The following NCKAP5 variants were observed in gnomAD, a reference collection of about 807,000 sequenced individuals.
NCKAP5 encodes the protein NCK associated protein 5.
Under a neutral mutation model 167.0 loss-of-function variants are expected in NCKAP5, and 92 were observed. The ratio of observed to expected loss-of-function variants is 0.55; its 90% CI spans 0.47 to 0.66. NCKAP5 has a LOEUF of 0.66. Among genes scored for constraint, NCKAP5 ranks in the 30% least tolerant of loss-of-function variants. The probability of loss-of-function intolerance (pLI) is 0.00; values close to 1 mark genes in which losing one functional copy is unlikely to be tolerated. For synonymous variants in NCKAP5, 891 were observed against 877.4 expected (o/e 1.02, Z -0.27); for missense variants, 2,378 against 2,315.0 (o/e 1.03, Z -0.56).
At chr2:133,612,687 A>G in the NCKAP5 span, among the ~76,000 whole-genome samples, 27 of 152,174 alleles carry the variant, frequency 1.8e-4, no homozygotes, top group African/African-American at 6.3e-4. Flanking sequence ...GTATGTGGAA[A>G]CAATGCTTAA....
At chr2:132,684,649 T>C (rs73957613) in intron 19 of NCKAP5, among the ~76,000 whole-genome samples, 1,673 of 152,288 alleles carry the variant, frequency 0.011, 33 homozygotes, top group African/African-American at 0.038. Flanking sequence ...TTTTGGTCTA[T>C]GTAATAATAC....
intron 5 of NCKAP5, among the ~76,000 whole-genome samples, chr2:133,187,380 G>T (rs527779118): frequency 2.0e-5 from 3 of 152,060 alleles, no homozygotes; most frequent in African/African-American, 7.2e-5. Flanking sequence ...AAAAGACAAT[G>T]CCATTTATAA....
chr2:133,159,203 C>T (rs1290427640), intron 5 of NCKAP5, among the ~76,000 whole-genome samples: 1 of 151,976 alleles, frequency 6.6e-6, no homozygotes, highest in Non-Finnish European at 1.5e-5. Flanking sequence ...AGATATAGGC[C>T]CACATCAAGG....
At chr2:133,644,809 C>G in the NCKAP5 span, among the ~76,000 whole-genome samples, 18 of 152,172 alleles carry the variant, frequency 1.2e-4, no homozygotes, top group Admixed American at 3.3e-4. Flanking sequence ...AACAGATAAT[C>G]AATACATGTT....
chr2:132,757,976 G>C (rs1487532353), intron 16 of NCKAP5, among the ~76,000 whole-genome samples: 1 of 152,172 alleles, frequency 6.6e-6, no homozygotes, highest in Non-Finnish European at 1.5e-5. Flanking sequence ...GGCATGAAGA[G>C]ACAACTGCAT....
chr2:132,981,194 G>C (rs34302940), intron 7 of NCKAP5, among the ~76,000 whole-genome samples: 3,503 of 152,322 alleles, frequency 0.023, 53 homozygotes, highest in Non-Finnish European at 0.037. Flanking sequence ...TCATGAATGA[G>C]ATTCTTGGCT....
rs1156504353 is a variant in NCKAP5, at chr2:132,972,697, T to C, written c.430-8828A>G. On this transcript the variant is annotated intron_variant, in intron 7 of 19. Coordinates refer to ENST00000409261, the MANE Select transcript of NCKAP5 (RefSeq NM_207363.3). ...CAACATGGTGAAACCCCGTCTCTAC[T>C]AAAAAAAATACAAAAATTAGTTGGG... Among the ~76,000 whole-genome samples, 3 of 151,394 alleles carry C rather than the reference T, an allele frequency of 2.0e-5. No individual in the cohort carries two copies. In the East Asian group the frequency reaches 5.8e-4, roughly 29 times the overall value.
intron 3 of NCKAP5, among the ~76,000 whole-genome samples, chr2:133,340,437 T>C (rs564832494): frequency 1.8e-4 from 28 of 152,304 alleles, no homozygotes; most frequent in African/African-American, 5.5e-4. Context: ...AGCCTTCTTT[T>C]CTTCCTCCTC....
At chr2:132,787,334 C>T (rs1237419461) in intron 13 of NCKAP5, among the ~76,000 whole-genome samples, 2 of 131,454 alleles carry the variant, frequency 1.5e-5, no homozygotes, top group African/African-American at 3.0e-5. Flanking sequence ...GGTGACAGAG[C>T]GAGACTCCGT....
At chr2:133,360,888 G>A (rs924088072) in intron 3 of NCKAP5, among the ~76,000 whole-genome samples, 7 of 151,316 alleles carry the variant, frequency 4.6e-5, no homozygotes, top group Admixed American at 1.3e-4. Context: ...AGTGGAGAAG[G>A]AATTTAGCTT....
intron 6 of NCKAP5, among the ~76,000 whole-genome samples, chr2:133,010,413 T>C (rs1257465861): frequency 1.3e-5 from 2 of 152,200 alleles, no homozygotes; most frequent in African/African-American, 4.8e-5. Flanking sequence ...TAAAGTTATG[T>C]TCACTGCTAC....
intron 6 of NCKAP5, among the ~76,000 whole-genome samples, chr2:133,073,361 A>T (rs943443180): frequency 2.4e-4 from 37 of 152,204 alleles, no homozygotes; most frequent in Non-Finnish European, 1.5e-4. Flanking sequence ...AATCCTATAT[A>T]TCAAGTCCTT....
At chr2:133,382,937 TTGAA>T (rs1559435523) in intron 3 of NCKAP5, among the ~76,000 whole-genome samples, 1 of 152,154 alleles carries the variant, frequency 6.6e-6, no homozygotes, top group Non-Finnish European at 1.5e-5. Flanking sequence ...AAACACTGAA[TTGAA>T]TGAATGAAAA....
chr2:132,860,370 A>G, intron 11 of NCKAP5, 122 bp downstream of exon 11: 1 of 1,153,284 alleles, frequency 8.7e-7, no homozygotes, highest in Non-Finnish European at 1.2e-6. Context: ...TTGAGAAAGG[A>G]AAGAATTGGG....
At chr2:132,746,964 G>A (rs1397848593) in intron 16 of NCKAP5, among the ~76,000 whole-genome samples, 3 of 152,116 alleles carry the variant, frequency 2.0e-5, no homozygotes, top group African/African-American at 4.8e-5. Flanking sequence ...CCTGGGAGCA[G>A]TGGTATTAGG....
chr2:132,856,495 A>C (rs1689482884), intron 11 of NCKAP5, among the ~76,000 whole-genome samples: 1 of 152,220 alleles, frequency 6.6e-6, no homozygotes, highest in Admixed American at 6.5e-5. Flanking sequence ...GTTGATGTGA[A>C]TCATCTACCC....
intron 19 of NCKAP5, among the ~76,000 whole-genome samples, chr2:132,680,479 A>AG (rs1313197062): frequency 6.6e-6 from 1 of 152,066 alleles, no homozygotes; most frequent in Non-Finnish European, 1.5e-5. Context: ...CTAAACCCAG[A>AG]GGGGGGAAAT....
intron 3 of NCKAP5, among the ~76,000 whole-genome samples, chr2:133,453,872 A>G (rs1691691635): frequency 2.0e-5 from 3 of 151,686 alleles, no homozygotes. Flanking sequence ...GTTGAAAACA[A>G]GAAAGAATTA....
At chr2:132,854,677 A>G (rs1397561562) in intron 11 of NCKAP5, among the ~76,000 whole-genome samples, 2 of 152,166 alleles carry the variant, frequency 1.3e-5, no homozygotes, top group Non-Finnish European at 2.9e-5. Flanking sequence ...AGCTTCCCAC[A>G]TGCCTTTTAG....
Sources: gnomAD v4.1 joint callset for allele counts (sites outside exome capture counted in the v4.1 genomes callset) on GRCh38, gnomAD v4.1.1 for gene constraint, MANE v1.5 for transcripts, NCBI Gene and HGNC (gene_info 2026-07-23, HGNC 2026-07-21) for gene names.